Variants in EXTL1 observed in about 807,000 individuals in gnomAD.
EXTL1 encodes the protein exostosin-like 1.
Under a neutral mutation model 64.6 loss-of-function variants are expected in EXTL1, and 43 were observed. That is an observed-to-expected ratio of 0.67 (90% confidence interval 0.52 to 0.86). The LOEUF (loss-of-function observed/expected upper bound fraction) is 0.86. Among genes scored for constraint, EXTL1 ranks in the 40% least tolerant of loss-of-function variants. The pLI, the probability that EXTL1 is intolerant of heterozygous loss-of-function variation, is 0.00. For missense variants in EXTL1, 766 were observed against 879.0 expected (o/e 0.87, Z 1.62); for synonymous variants, 352 against 360.5 (o/e 0.98, Z 0.27).
At chr1:26,028,479 A>C (rs865779404) in intron 1 of EXTL1, among the ~76,000 whole-genome samples, 1 of 151,934 alleles carries the variant, frequency 6.6e-6, no homozygotes, top group Non-Finnish European at 1.5e-5. Context: ...CCCTCCCTTT[A>C]TCCCTCCCCT....
intron 1 of EXTL1, among the ~76,000 whole-genome samples, chr1:26,026,775 G>A (rs759176042): frequency 3.9e-5 from 6 of 152,148 alleles, no homozygotes; most frequent in African/African-American, 1.4e-4. Context: ...GCACAGCCAC[G>A]CTGACCACCC....
At position 26,022,564 on chromosome 1, in the gene EXTL1, C is replaced by G; in HGVS notation, c.-83C>G. The G allele has an allele frequency of 8.2e-7, 1 of 1,220,774 alleles. No individual in the cohort carries two copies. The highest frequency in any genetic ancestry group is 1.2e-6 in the Non-Finnish European group (1 of 863,358). 75.6% of individuals were successfully genotyped at this position (1,220,774 alleles called of 1,614,324 possible). A position where few individuals can be genotyped will look rare whatever the true frequency, so the allele number is the denominator to read the frequency against. ...CAGGACTAGCAGGTCGGTCCCAGCT[C>G]TGGTCTCCCGCCCCAGGCCCTGCTC... On this transcript the variant is annotated 5_prime_UTR_variant, in exon 1 of 11. Transcript: ENST00000374280.
At position 26,031,186 on chromosome 1, in the gene EXTL1, A is replaced by G. The variant is rs200482917; in HGVS notation, c.1156A>G (p.Ser386Gly). The part of the protein sequence containing the change: ...TSAHPSLLWN[S>G]PPGALLALST... ...AGCTCACCCCTCACTGCTGTGGAAC[A>G]GCCCCCCAGGGGCACTCCTGGCCCT... The change falls in exon 5 of 11, where the codon AGC (serine) becomes GGC (glycine). Residue 386 changes from serine to glycine, a missense_variant. This residue lies in a region of EXTL1 where 571 missense variants were observed against 647.6 expected (regional missense o/e 0.88). Transcript: ENST00000374280. 1.2e-6 allele frequency: 2 copies of G among 1,613,976 alleles called. No homozygotes were observed. The highest frequency in any genetic ancestry group is 4.5e-5 in the East Asian group (2 of 44,880).
At position 26,030,558 on chromosome 1, in the gene EXTL1, TCTC is replaced by T. The variant is rs1045170943; in HGVS notation, c.1068_1070del (p.Ser357del). On this transcript the variant is annotated inframe_deletion, in exon 4 of 11. Transcript: ENST00000374280. ...ACCCAGTTTCTATGGGATGCCTACT[TCTC>T]CTCAGTGGAGAAGGTCATCCATACC... The T allele has an allele frequency of 1.9e-6, 3 of 1,613,612 alleles. No homozygotes were observed. The highest frequency in any genetic ancestry group is 2.7e-5 in the African/African-American group (2 of 74,896).
chr1:26,034,569 C>T lies in EXTL1; in HGVS notation c.1680-267C>T, dbSNP rs764844085. On this transcript the variant is annotated intron_variant, in intron 9 of 10. Transcript: ENST00000374280. The surrounding 1 kb of genome is among the most constrained non-coding windows in gnomAD (Gnocchi z 4.6). ...CTGATCCAAACCCATCTAATTCTGG[C>T]TCTGAGTTCAGCGCTCAGAGCCCAA... Among the ~76,000 whole-genome samples, 11 of 152,182 alleles carry T rather than the reference C, an allele frequency of 7.2e-5. No homozygotes were observed. Among genetic ancestry groups the T allele is most frequent in the Non-Finnish European group, 1.3e-4 (9 of 68,032 alleles).
chr1:26,023,754 C>T (rs988049140), intron 1 of EXTL1, among the ~76,000 whole-genome samples: 2 of 152,136 alleles, frequency 1.3e-5, no homozygotes, highest in Non-Finnish European at 1.5e-5. Flanking sequence ...CTGTGCTAAG[C>T]ACTTATATAA....
chr1:26,023,111 G>C lies in EXTL1; in HGVS notation c.465G>C (p.Arg155Ser). The C allele has an allele frequency of 6.2e-7, 1 of 1,613,810 alleles. No individual in the cohort carries two copies. The highest frequency in any genetic ancestry group is 8.5e-7 in the Non-Finnish European group (1 of 1,179,878). The change falls in exon 1 of 11, where the codon AGG becomes AGC. Residue 155 changes from arginine (R) to serine (S), a missense_variant. Physicochemically the swap from Arg to Ser is moderately radical, Grantham distance 110. Transcript: ENST00000374280. The part of the protein sequence containing the change: ...ECSSMPLQWN[R>S]GRNHLVLRLH... Reference sequence around the variant, plus strand: ...GCTCAATGCCTCTGCAATGGAACAGGGGCAGGAACCATCTGGTCCTCCGTC... The same window carrying C: ...GCTCAATGCCTCTGCAATGGAACAGCGGCAGGAACCATCTGGTCCTCCGTC...
Position 26,025,292 on chromosome 1 carries a change from A to G in EXTL1, c.779+1867A>G, listed in dbSNP as rs2050202794. On this transcript the variant is annotated intron_variant, in intron 1 of 10. Transcript: ENST00000374280. The surrounding 1 kb of genome is among the most constrained non-coding windows in gnomAD (Gnocchi z 5.3). ...CCCCACATTCACTCAGCCGGGCGAG[A>G]GTGGGGAGAGGAGGAGGCTACATTT... is the stretch of plus-strand genomic sequence containing the variant. Among the ~76,000 whole-genome samples, 1 of 152,146 alleles carries G rather than the reference A, an allele frequency of 6.6e-6. No homozygotes were observed. The highest frequency in any genetic ancestry group is 2.4e-5 in the African/African-American group (1 of 41,436).
At position 26,023,195 on chromosome 1, in the gene EXTL1, C is replaced by T. The variant is rs375083916; in HGVS notation, c.549C>T (p.Ala183=). Residue 183 remains alanine, a synonymous_variant, in exon 1 of 11, where the codon GCC becomes GCT. Transcript: ENST00000374280. ...FQLGQAMVAE[A]SPTVDSFRPG... ...TGGGACAGGCTATGGTGGCTGAGGCCAGCCCCACGGTGGACTCCTTCCGGC... is the reference window on the plus strand; with the variant it reads ...TGGGACAGGCTATGGTGGCTGAGGCTAGCCCCACGGTGGACTCCTTCCGGC... 1 of 1,613,576 alleles carries T rather than the reference C, an allele frequency of 6.2e-7. No individual in the cohort carries two copies. Among genetic ancestry groups the T allele is most frequent in the East Asian group, 2.2e-5 (1 of 44,868 alleles).
chr1:26,032,409 G>T lies in EXTL1; in HGVS notation c.1355G>T (p.Trp452Leu). ...SQHCAQILVL[W>L]SNERPLPSRW... ...CCTATCCTCTAGATCTTGGTTCTCT[G>T]GAGCAATGAGAGGCCACTCCCATCC... Residue 452 changes from tryptophan to leucine, a missense_variant, in exon 7 of 11, where the codon TGG becomes TTG. Around this residue, in one of 3 missense-constraint regions of EXTL1, gnomAD observed 571 missense variants for 647.6 expected, o/e 0.88. Coordinates refer to ENST00000374280, the MANE Select transcript of EXTL1 (RefSeq NM_004455.3). 1 of 1,556,374 alleles carries T rather than the reference G, an allele frequency of 6.4e-7. No individual in the cohort carries two copies. Among genetic ancestry groups the T allele is most frequent in the East Asian group, 2.4e-5 (1 of 41,450 alleles).
Position 26,022,359 on chromosome 1 carries a change from G to A in EXTL1, c.-288G>A, listed in dbSNP as rs1339000168. 5.2e-6 allele frequency: 2 copies of A among 382,312 alleles called. No homozygotes were observed. The highest frequency in any genetic ancestry group is 2.1e-5 in the African/African-American group (1 of 47,936). The allele number at this position is 382,312 out of a possible 1,614,324, so 23.7% of individuals were successfully genotyped here. ...AGGGGCAGGGGTCCCTGCTGGGAGG[G>A]AAAAGGCTGGCTTGGTTGTCCAAAG... On this transcript the variant is annotated 5_prime_UTR_variant, in exon 1 of 11. Coordinates refer to ENST00000374280, the MANE Select transcript of EXTL1 (RefSeq NM_004455.3).
intron 4 of EXTL1, among the ~76,000 whole-genome samples, chr1:26,030,859 C>T (rs34968106): frequency 2.6e-5 from 4 of 152,204 alleles, no homozygotes; most frequent in Admixed American, 2.6e-4. Flanking sequence ...CGATGGCTGC[C>T]TGGGATGCTA....
In EXTL1 at chr1:26,033,480, C is replaced by T. The variant is rs1306472388; in HGVS notation, c.1518+165C>T. On this transcript the variant is annotated intron_variant, in intron 8 of 10. Transcript: ENST00000374280. This position sits in a 1 kb window ranked among gnomAD's most constrained non-coding sequence, Gnocchi z 5.1. ...CAGGCAGCCTCCTCTTTAGGAGTCT[C>T]GTTGAGGCTTTCCATGGACTCTTTT... Among the ~76,000 whole-genome samples the T allele has an allele frequency of 1.3e-5, 2 of 152,154 alleles. No individual in the cohort carries two copies. Among genetic ancestry groups the T allele is most frequent in the Non-Finnish European group, 2.9e-5 (2 of 68,018 alleles).
rs1431283898 is a variant in EXTL1 at position 26,022,416 on chromosome 1, G to A, written c.-231G>A. On this transcript the variant is annotated 5_prime_UTR_variant, in exon 1 of 11. Transcript: ENST00000374280. ...AAGGCAGAGTCCTGAGAGCAGGGGG[G>A]CCAGGCCAGCAAGCTGGGTCCCACC... 4.0e-6 allele frequency: 2 copies of A among 498,294 alleles called. No individual in the cohort carries two copies. The highest frequency in any genetic ancestry group is 3.6e-6 in the Non-Finnish European group (1 of 281,206). The allele number at this position is 498,294 out of a possible 1,614,324, so 30.9% of individuals were successfully genotyped here. A position where few individuals can be genotyped will look rare whatever the true frequency, so the allele number is the denominator to read the frequency against.
At position 26,029,581 on chromosome 1, in the gene EXTL1, T is replaced by G; in HGVS notation, c.874-19T>G. 2.0e-6 allele frequency: 3 copies of G among 1,500,962 alleles called. No homozygotes were observed. Among genetic ancestry groups the G allele is most frequent in the Non-Finnish European group, 1.8e-6 (2 of 1,088,318 alleles). The allele number at this position is 1,500,962 out of a possible 1,614,324, so 93.0% of individuals were successfully genotyped here. On this transcript the variant is annotated intron_variant, in intron 2 of 10. Transcript: ENST00000374280. ...TGCAGGGTGGGGCTGGGCTCCCCAG[T>G]GACCTCCCCGCCCCCCAGGCCGGCT...
chr1:26,027,692 A>AAAAAAAAAAAAAAAAAAAAAAAAAAAAAG (rs1553141864), intron 1 of EXTL1, among the ~76,000 whole-genome samples: 5 of 145,670 alleles, frequency 3.4e-5, no homozygotes, highest in Admixed American at 6.9e-5. Flanking sequence ...CCATCTCTAA[A>AAAAAAAAAAAAAAAAAAAAAAAAAAAAAG]AAAAAAAAAA....
intron 4 of EXTL1, 123 bp downstream of exon 4, chr1:26,030,718 G>A (rs1260948612): frequency 9.0e-7 from 1 of 1,116,408 alleles, no homozygotes; most frequent in Non-Finnish European, 1.2e-6. Flanking sequence ...ATGGTCCTGG[G>A]ATGAATCTGA....
At position 26,034,378 on chromosome 1, in the gene EXTL1, AG is replaced by A. The variant is rs772486684; in HGVS notation, c.1680-456del. On this transcript the variant is annotated intron_variant, in intron 9 of 10. Transcript: ENST00000374280. The surrounding 1 kb of genome is among the most constrained non-coding windows in gnomAD (Gnocchi z 4.6). ...ACGTGGAACCTCTTATAGATTACTCAGGAGCTCTGCAGGGAATTCTCAGTAG... is the reference window on the plus strand; with the variant it reads ...ACGTGGAACCTCTTATAGATTACTCAGAGCTCTGCAGGGAATTCTCAGTAG... Among the ~76,000 whole-genome samples the A allele has an allele frequency of 1.6e-4, 25 of 152,234 alleles. No homozygotes were observed. The highest frequency in any genetic ancestry group is 5.2e-4 in the Admixed American group (8 of 15,280).
Position 26,034,984 on chromosome 1 carries a change from C to A in EXTL1, c.1828C>A (p.Arg610Ser). Residue 610 changes from arginine to serine, a missense_variant, in exon 10 of 11, where the codon CGC becomes AGC. Physicochemically the swap from Arg to Ser is moderately radical, Grantham distance 110. This residue lies in a region of EXTL1 where 194 missense variants were observed against 214.5 expected (regional missense o/e 0.90). Transcript: ENST00000374280. The surrounding 1 kb of genome is among the most constrained non-coding windows in gnomAD (Gnocchi z 4.6). ...TATCAAGGTGCCCTATGGCAAGCAG[C>A]GCCAGGAGGCTGCTCCACTGGTGAG... Reference protein sequence around the residue: ...PPIKVPYGKQRQEAAPLAPGG... With the variant: ...PPIKVPYGKQSQEAAPLAPGG... 2 of 1,614,160 alleles carry A rather than the reference C, an allele frequency of 1.2e-6. No homozygotes were observed. Among genetic ancestry groups the A allele is most frequent in the Admixed American group, 3.3e-5 (2 of 60,028 alleles).
Sources: gnomAD v4.1 joint callset for allele counts (sites outside exome capture counted in the v4.1 genomes callset) on GRCh38, gnomAD v4.1.1 for gene constraint, gnomAD v4.1.1 regional missense constraint, Gnocchi (gnomAD v3.1) non-coding constraint, MANE v1.5 for transcripts, NCBI Gene and HGNC (gene_info 2026-07-23, HGNC 2026-07-21) for gene names.